The following CELF4 variants were observed in gnomAD, a reference collection of about 807,000 sequenced individuals.
The protein encoded by CELF4 is CUG-BP- and ETR-3-like factor 4.
A neutral mutation model predicts 59.9 loss-of-function variants in CELF4; 18 were observed. That is an observed-to-expected ratio of 0.30 (90% CI 0.21 to 0.45). CELF4 has a LOEUF of 0.45. CELF4 is among the 20% of genes least tolerant of loss of function. The pLI is 1.00. For synonymous variants in CELF4, 261 were observed against 267.1 expected, an observed-to-expected ratio of 0.98 and a Z score of 0.22; for missense variants, 456 against 689.0, an observed-to-expected ratio of 0.66 and a Z score of 3.79.
chr18:37,266,672 A>G (rs1019812389), intron 8 of CELF4, 74 bp from the exon 9 acceptor site: 98 of 1,237,920 alleles, frequency 7.9e-5, no homozygotes, highest in South Asian at 6.8e-4. Context: ...CATGGGGACA[A>G]TGATGTAGCT....
intron 1 of CELF4, among the ~76,000 whole-genome samples, chr18:37,534,436 C>T (rs916841202): frequency 8.5e-5 from 13 of 152,160 alleles, no homozygotes; most frequent in Admixed American, 6.5e-4. Context: ...ACTAGCCCTG[C>T]ACACCTCTAT....
chr18:37,501,458 G>C (rs944399273), intron 1 of CELF4, among the ~76,000 whole-genome samples: 7 of 152,214 alleles, frequency 4.6e-5, no homozygotes, highest in Non-Finnish European at 4.4e-5. Flanking sequence ...TTAAGTGTCT[G>C]GGGTATCTGT....
chr18:37,357,072 G>A (rs979443038), intron 2 of CELF4, among the ~76,000 whole-genome samples: 2 of 152,200 alleles, frequency 1.3e-5, no homozygotes, highest in African/African-American at 4.8e-5. Context: ...CTTTTAGCCT[G>A]AAATGCCCAT....
At chr18:37,291,875 C>A (rs1464192825) in intron 3 of CELF4, among the ~76,000 whole-genome samples, 1 of 152,140 alleles carries the variant, frequency 6.6e-6, no homozygotes, top group Non-Finnish European at 1.5e-5. Flanking sequence ...CCCAACACAG[C>A]AAGGCCTGTG....
At chr18:37,268,366 C>A (rs1485765339) in intron 8 of CELF4, among the ~76,000 whole-genome samples, 26 of 152,218 alleles carry the variant, frequency 1.7e-4, no homozygotes, top group Admixed American at 1.7e-3. Flanking sequence ...CTCTGCCAGC[C>A]TCTAAGCTCT....
intron 5 of CELF4, 128 bp downstream of exon 5, chr18:37,274,677 C>G: frequency 6.8e-7 from 1 of 1,480,780 alleles, no homozygotes. Flanking sequence ...GCGTCCTTGT[C>G]TGAGGCCCGG....
intron 2 of CELF4, among the ~76,000 whole-genome samples, chr18:37,354,741 C>T (rs567494011): frequency 6.6e-6 from 1 of 152,210 alleles, no homozygotes; most frequent in East Asian, 1.9e-4. Context: ...AGGAAAAGGG[C>T]CCTCTAGGCC....
At chr18:37,414,503 C>CTTTTCT (rs753692064) in intron 2 of CELF4, among the ~76,000 whole-genome samples, 2 of 116,068 alleles carry the variant, frequency 1.7e-5, no homozygotes, top group Non-Finnish European at 3.3e-5. Flanking sequence ...CTTTTCTTTT[C>CTTTTCT]TTTTTTTTTT....
chr18:37,334,632 T>C (rs1319294846), intron 2 of CELF4, among the ~76,000 whole-genome samples: 1 of 151,860 alleles, frequency 6.6e-6, no homozygotes, highest in African/African-American at 2.4e-5. Flanking sequence ...AACTGTTCCC[T>C]CCACTCCCCC....
chr18:37,487,580 C>T (rs924864964), intron 1 of CELF4, among the ~76,000 whole-genome samples: 3 of 152,160 alleles, frequency 2.0e-5, no homozygotes, highest in African/African-American at 4.8e-5. Flanking sequence ...CAGAGGCCCC[C>T]GTGACGTCGT....
chr18:37,302,800 C>T (rs13380925), intron 3 of CELF4, among the ~76,000 whole-genome samples: 3 of 152,126 alleles, frequency 2.0e-5, no homozygotes, highest in South Asian at 2.1e-4. Flanking sequence ...GAGGGTGGTG[C>T]GGGGAGCAGG....
At chr18:37,273,982 C>G in intron 6 of CELF4, 2 of 1,166,706 alleles carry the variant, frequency 1.7e-6, no homozygotes, top group Non-Finnish European at 2.1e-6. Flanking sequence ...ACCTCACCCT[C>G]TCATCTGTGC....
At chr18:37,335,647 C>T (rs1336343426) in intron 2 of CELF4, among the ~76,000 whole-genome samples, 1 of 151,966 alleles carries the variant, frequency 6.6e-6, no homozygotes, top group Middle Eastern at 3.2e-3. Flanking sequence ...TCCCTGTCCT[C>T]CCTGGCCTGT....
At chr18:37,462,126 C>T (rs1323473142) in intron 2 of CELF4, among the ~76,000 whole-genome samples, 1 of 152,182 alleles carries the variant, frequency 6.6e-6, no homozygotes, top group Non-Finnish European at 1.5e-5. Flanking sequence ...CCTGCTGACT[C>T]CCTGGAGCAC....
intron 2 of CELF4, among the ~76,000 whole-genome samples, chr18:37,440,159 G>A (rs946121738): frequency 6.6e-6 from 1 of 152,186 alleles, no homozygotes; most frequent in African/African-American, 2.4e-5. Flanking sequence ...GCCATTAAAT[G>A]TTACATTAGA....
At chr18:37,332,708 G>A (rs1375089570) in intron 2 of CELF4, among the ~76,000 whole-genome samples, 1 of 152,230 alleles carries the variant, frequency 6.6e-6, no homozygotes, top group Non-Finnish European at 1.5e-5. Flanking sequence ...GGGGTTTGGA[G>A]CCATATTTAT....
chr18:37,412,541 G>T (rs1055886329), intron 2 of CELF4, among the ~76,000 whole-genome samples: 10 of 152,078 alleles, frequency 6.6e-5, no homozygotes, highest in African/African-American at 2.4e-4. Flanking sequence ...TGTATGGATG[G>T]GTGGGTGCAT....
intron 2 of CELF4, among the ~76,000 whole-genome samples, chr18:37,469,818 G>C (rs951279932): frequency 6.6e-6 from 1 of 152,176 alleles, no homozygotes; most frequent in Non-Finnish European, 1.5e-5. Context: ...CTTAACAGGA[G>C]TTAGAAGAGT....
At chr18:37,455,658 G>A (rs1569569472) in intron 2 of CELF4, among the ~76,000 whole-genome samples, 1 of 152,240 alleles carries the variant, frequency 6.6e-6, no homozygotes, top group Non-Finnish European at 1.5e-5. Flanking sequence ...GATGATGGAG[G>A]TGGATGGCAG....
Sources: allele counts gnomAD v4.1 joint callset (sites outside exome capture counted in the v4.1 genomes callset), GRCh38; gene constraint gnomAD v4.1.1; transcripts MANE v1.5; gene names NCBI Gene and HGNC (gene_info 2026-07-23, HGNC 2026-07-21).